The following KPNA5 variants were observed in gnomAD, a reference collection of about 807,000 sequenced individuals.
KPNA5 encodes the protein karyopherin subunit alpha 5.
KPNA5 carries 46 observed loss-of-function variants against 71.3 expected under a neutral mutation model. That is an observed-to-expected ratio of 0.65 (90% CI 0.51 to 0.83). The LOEUF (loss-of-function observed/expected upper bound fraction) is 0.83. KPNA5 is among the 40% of genes least tolerant of loss of function. KPNA5 has a pLI of 0.00. For missense variants in KPNA5, 547 were observed against 628.3 expected (o/e 0.87, Z 1.38); for synonymous variants, 207 against 201.4 (o/e 1.03, Z -0.24).
intron 8 of KPNA5, among the ~76,000 whole-genome samples, chr6:116,721,195 T>A (rs1336562751): frequency 6.6e-6 from 1 of 152,218 alleles, no homozygotes; most frequent in African/African-American, 2.4e-5. Context: ...CAGAAGAGGA[T>A]CGTTTATATA....
At chr6:116,689,814 GC>G (rs983390384) in intron 2 of KPNA5, among the ~76,000 whole-genome samples, 16 of 152,024 alleles carry the variant, frequency 1.1e-4, no homozygotes, top group African/African-American at 3.9e-4. Flanking sequence ...CATAATTCTT[GC>G]CCGTAAGTAA....
intron 9 of KPNA5, among the ~76,000 whole-genome samples, chr6:116,722,947 GAT>G (rs1347182050): frequency 6.6e-6 from 1 of 152,180 alleles, no homozygotes; most frequent in Non-Finnish European, 1.5e-5. Flanking sequence ...ATGGCACAAA[GAT>G]AGGTCTGATA....
intron 5 of KPNA5, among the ~76,000 whole-genome samples, chr6:116,701,676 A>G (rs1778235092): frequency 6.6e-6 from 1 of 152,158 alleles, no homozygotes; most frequent in East Asian, 1.9e-4. Flanking sequence ...TTATTTTTAA[A>G]CTGCTTGCTT....
rs554211650 is a variant in KPNA5, at chr6:116,686,691, C to A, written c.5-2629C>A. The stretch of plus-strand genomic sequence containing the variant: ...ATAGTTTTGGGTTTTACATTTAAGT[C>A]TTTAATCCATCTCGAGTTATTTTGT... On this transcript the variant is annotated intron_variant, in intron 1 of 13. Transcript: ENST00000368564. 5.7e-4 allele frequency among the ~76,000 whole-genome samples: 87 copies of A among 152,276 alleles called. 2 individuals carry two copies. In the South Asian group the frequency reaches 0.016, roughly 28 times the overall value.
intron 7 of KPNA5, among the ~76,000 whole-genome samples, chr6:116,708,720 C>G (rs911657023): frequency 2.0e-5 from 3 of 151,884 alleles, no homozygotes; most frequent in Non-Finnish European, 4.4e-5. Context: ...TTCTTAATTT[C>G]TTTTTTGACT....
chr6:116,714,936 G>GCAACCTTTA, intron 7 of KPNA5, among the ~76,000 whole-genome samples: 1 of 152,308 alleles, frequency 6.6e-6, no homozygotes, highest in African/African-American at 2.4e-5. Flanking sequence ...CTGTCTTAAA[G>GCAACCTTTA]GTTGCTGCCA....
chr6:116,722,907 G>C (rs1258278267), intron 9 of KPNA5, among the ~76,000 whole-genome samples: 1 of 151,918 alleles, frequency 6.6e-6, no homozygotes, highest in Non-Finnish European at 1.5e-5. Flanking sequence ...TTCTTTTGTC[G>C]AGAAGCCATT....
chr6:116,700,535 T>C (rs1421523406), intron 5 of KPNA5, among the ~76,000 whole-genome samples: 1 of 152,130 alleles, frequency 6.6e-6, no homozygotes, highest in Non-Finnish European at 1.5e-5. Context: ...AATTAAAAAC[T>C]ATAGAAATTC....
At position 116,733,059 on chromosome 6, in the gene KPNA5, A is replaced by T. The variant is rs938922452; in HGVS notation, c.*736A>T. 2 of 151,894 alleles carry T rather than the reference A, an allele frequency of 1.3e-5. No individual in the cohort carries two copies. Among genetic ancestry groups the T allele is most frequent in the African/African-American group, 4.8e-5 (2 of 41,438 alleles). 9.4% of individuals were successfully genotyped at this position (151,894 alleles called of 1,614,324 possible). A position where few individuals can be genotyped will look rare whatever the true frequency, so the allele number is the denominator to read the frequency against. ...TGTTTTTAACATATAAGTGCTATGT[A>T]TATTAGTATATTTTGTATTTCAACC... On this transcript the variant is annotated 3_prime_UTR_variant, in exon 14 of 14. Transcript: ENST00000368564.
At position 116,737,969 on chromosome 6, in the gene KPNA5, A is replaced by T. The variant is rs1779731821; in HGVS notation, c.*5646A>T. On this transcript the variant is annotated 3_prime_UTR_variant, in exon 14 of 14. Coordinates refer to ENST00000368564, the MANE Select transcript of KPNA5 (RefSeq NM_001366306.2). ...TTCCCTAAACATTTAAGGTTGTTAA[A>T]TGTTTAATTTGGGAAGGCTAAAAAT... is the stretch of plus-strand genomic sequence containing the variant. The T allele has an allele frequency of 6.6e-6, 1 of 151,780 alleles. No homozygotes were observed. Among genetic ancestry groups the T allele is most frequent in the Non-Finnish European group, 1.5e-5 (1 of 67,872 alleles). The allele number at this position is 151,780 out of a possible 1,614,324, so 9.4% of individuals were successfully genotyped here. A position where few individuals can be genotyped will look rare whatever the true frequency, so the allele number is the denominator to read the frequency against.
In KPNA5 at chr6:116,732,440, C is replaced by T. The variant is rs1332552979; in HGVS notation, c.*117C>T. 3 of 480,648 alleles carry T rather than the reference C, an allele frequency of 6.2e-6. No individual in the cohort carries two copies. Among genetic ancestry groups the T allele is most frequent in the Non-Finnish European group, 1.0e-5 (3 of 295,652 alleles). The allele number at this position is 480,648 out of a possible 1,614,324, so 29.8% of individuals were successfully genotyped here. A position where few individuals can be genotyped will look rare whatever the true frequency, so the allele number is the denominator to read the frequency against. On this transcript the variant is annotated 3_prime_UTR_variant, in exon 14 of 14. Coordinates refer to ENST00000368564, the MANE Select transcript of KPNA5 (RefSeq NM_001366306.2). ...AGAACAGTAAAGAGAATTTGATGCACTTTTAGAAAGCAAAATGAAACAAAA... is the reference window on the plus strand; with the variant it reads ...AGAACAGTAAAGAGAATTTGATGCATTTTTAGAAAGCAAAATGAAACAAAA...
At chr6:116,722,761 A>C (rs2114487401) in intron 9 of KPNA5, among the ~76,000 whole-genome samples, 1 of 152,326 alleles carries the variant, frequency 6.6e-6, no homozygotes, top group African/African-American at 2.4e-5. Flanking sequence ...TGTTATAGCT[A>C]TTTTCCTTAA....
intron 4 of KPNA5, among the ~76,000 whole-genome samples, chr6:116,695,488 T>G (rs1288100210): frequency 6.6e-6 from 1 of 152,168 alleles, no homozygotes; most frequent in African/African-American, 2.4e-5. Flanking sequence ...TATATATGAA[T>G]GGGTAAGGTT....
rs1217834202 is a variant in KPNA5, at chr6:116,693,706, C to A, written c.340+1314C>A. Reference sequence around the variant, plus strand: ...TAGGTTGCCTGTTCACTCTGATGGTCGTTTCTTTTGCTGTGCAGAAGCTCT... The same window carrying A: ...TAGGTTGCCTGTTCACTCTGATGGTAGTTTCTTTTGCTGTGCAGAAGCTCT... On this transcript the variant is annotated intron_variant, in intron 4 of 13. Transcript: ENST00000368564. Among the ~76,000 whole-genome samples, 349 of 146,750 alleles carry A rather than the reference C, an allele frequency of 2.4e-3. 2 individuals are homozygous for A. The highest frequency in any genetic ancestry group is 7.0e-3 in the African/African-American group (280 of 40,070).
intron 4 of KPNA5, 23 bp from the exon 5 acceptor site, chr6:116,698,681 C>A (rs192141005): frequency 1.5e-6 from 2 of 1,358,080 alleles, no homozygotes; most frequent in Non-Finnish European, 2.1e-6. Flanking sequence ...TTTGTAATAA[C>A]TGAAGTCTTT....
intron 4 of KPNA5, among the ~76,000 whole-genome samples, chr6:116,694,412 T>C (rs1444864083): frequency 1.3e-5 from 2 of 152,314 alleles, no homozygotes; most frequent in African/African-American, 4.8e-5. Context: ...TTTTATTTCA[T>C]TGAGCAGTGG....
intron 7 of KPNA5, among the ~76,000 whole-genome samples, chr6:116,707,440 A>C (rs757549129): frequency 9.9e-5 from 15 of 152,230 alleles, no homozygotes; most frequent in Non-Finnish European, 2.1e-4. Flanking sequence ...AAAAAAGAAC[A>C]ATAGTATACA....
intron 4 of KPNA5, among the ~76,000 whole-genome samples, chr6:116,694,218 G>A (rs191958553): frequency 5.9e-5 from 9 of 152,164 alleles, no homozygotes; most frequent in East Asian, 1.9e-4. Flanking sequence ...TTGGCAATGC[G>A]GGCTCTTTTT....
At chr6:116,705,339 G>T (rs138473128) in intron 7 of KPNA5, among the ~76,000 whole-genome samples, 179 bp downstream of exon 7, 1 of 152,150 alleles carries the variant, frequency 6.6e-6, no homozygotes, top group East Asian at 1.9e-4. Context: ...TGTCTTTTAT[G>T]TTCCCTTAAA....
Sources: allele counts gnomAD v4.1 joint callset (sites outside exome capture counted in the v4.1 genomes callset), GRCh38; gene constraint gnomAD v4.1.1; transcripts MANE v1.5; gene names NCBI Gene and HGNC (gene_info 2026-07-23, HGNC 2026-07-21).